PPAT: variants seen among roughly 807,000 people sequenced by gnomAD.
PPAT encodes phosphoribosyl pyrophosphate amidotransferase, also known as amidophosphoribosyltransferase.
A neutral mutation model predicts 60.2 loss-of-function variants in PPAT; 20 were observed. The observed-to-expected ratio is 0.33, with a 90% CI of 0.23 to 0.48. The LOEUF is 0.48. Among genes scored for constraint, PPAT ranks in the 20% least tolerant of loss-of-function variants. The probability of loss-of-function intolerance (pLI) is 0.99; values close to 1 mark genes in which losing one functional copy is unlikely to be tolerated. For missense variants in PPAT, 349 were observed against 629.6 expected (o/e 0.55, Z 4.77); for synonymous variants, 194 against 215.1 (o/e 0.90, Z 0.86).
chr4:56,402,938 C>T, intron 5 of PPAT, 102 bp downstream of exon 5: 2 of 1,081,978 alleles, frequency 1.8e-6, no homozygotes, highest in South Asian at 1.9e-5. Context: ...CTAGCTCCCT[C>T]CCACCCATCA....
intron 1 of PPAT, among the ~76,000 whole-genome samples, chr4:56,424,342 G>A (rs145113593): frequency 2.0e-4 from 31 of 152,200 alleles, no homozygotes; most frequent in African/African-American, 7.2e-4. Flanking sequence ...TCAGGCACCC[G>A]TATTTTTAGA....
At chr4:56,426,253 T>C (rs1252939591) in intron 1 of PPAT, among the ~76,000 whole-genome samples, 1 of 151,902 alleles carries the variant, frequency 6.6e-6, no homozygotes, top group East Asian at 1.9e-4. Flanking sequence ...ATACAAAAAT[T>C]AGCTGGGCGT....
chr4:56,430,430 T>G (rs914650670), intron 1 of PPAT, among the ~76,000 whole-genome samples: 1 of 152,118 alleles, frequency 6.6e-6, no homozygotes, highest in Non-Finnish European at 1.5e-5. Flanking sequence ...ATAAGGTCTC[T>G]GCGAGGGCAG....
In PPAT at chr4:56,401,526, C is replaced by T. The variant is rs748016361; in HGVS notation, c.735-45G>A. On this transcript the variant is annotated intron_variant, in intron 6 of 10. Coordinates refer to ENST00000264220, the MANE Select transcript of PPAT (RefSeq NM_002703.5). The stretch of plus-strand genomic sequence containing the variant: ...GAAAGAAGACTTTTAATAAACTAGT[C>T]CTTAAGGCTGATGAAAATATTAATT... The T allele has an allele frequency of 1.2e-5, 18 of 1,468,246 alleles. No homozygotes were observed. The Admixed American group carries it at 3.9e-4, about 32-fold the overall frequency. 91.0% of individuals were successfully genotyped at this position (1,468,246 alleles called of 1,614,324 possible). A position where few individuals can be genotyped will look rare whatever the true frequency, so the allele number is the denominator to read the frequency against.
rs1578140338 is a variant in PPAT, at chr4:56,433,551, G to C, written c.128+1799C>G. Reference sequence around the variant, plus strand: ...GCACACATTTAAAGGGAAGGAGAAAGGGGGATGAAAATTTCTTGAATAACT... The same window carrying C: ...GCACACATTTAAAGGGAAGGAGAAACGGGGATGAAAATTTCTTGAATAACT... On this transcript the variant is annotated intron_variant, in intron 1 of 10. Coordinates refer to ENST00000264220, the MANE Select transcript of PPAT (RefSeq NM_002703.5). Among the ~76,000 whole-genome samples, 11 of 150,346 alleles carry C rather than the reference G, an allele frequency of 7.3e-5. No homozygotes were observed. In the South Asian group the frequency reaches 2.3e-3, roughly 32 times the overall value.
intron 1 of PPAT, chr4:56,416,541 C>G (rs1716761427): frequency 1.3e-5 from 2 of 155,878 alleles, no homozygotes. Flanking sequence ...AAGAAACACT[C>G]AGAATTGATT....
intron 1 of PPAT, among the ~76,000 whole-genome samples, chr4:56,424,281 G>T (rs888582185): frequency 3.9e-5 from 6 of 152,158 alleles, no homozygotes; most frequent in African/African-American, 1.2e-4. Context: ...ATCTAGAGTG[G>T]TTCCCAATTT....
In PPAT at chr4:56,406,642, T is replaced by G. The variant is rs774263224; in HGVS notation, c.255A>C (p.Ser85=). Residue 85 remains serine (S), a synonymous_variant, in exon 3 of 11, where the codon TCA becomes TCC. Coordinates refer to ENST00000264220, the MANE Select transcript of PPAT (RefSeq NM_002703.5). The stretch of plus-strand genomic sequence containing the variant: ...ACCTGGTGTGTCCAATTCCAAGATT[T>G]GAAACATATAATTTTTTCAAATTGT... ...TEDNLKKLYV[S]NLGIGHTRYA... 1 of 1,613,168 alleles carries G rather than the reference T, an allele frequency of 6.2e-7. No individual in the cohort carries two copies. The highest frequency in any genetic ancestry group is 8.5e-7 in the Non-Finnish European group (1 of 1,179,148).
chr4:56,395,419 C>T lies in PPAT; in HGVS notation c.1487G>A (p.Cys496Tyr). The change falls in exon 11 of 11, where the codon TGT becomes TAT. Residue 496 changes from cysteine to tyrosine, a missense_variant. Cys to Tyr is a radical substitution (Grantham distance 194). This residue lies in a region of PPAT where 167 missense variants were observed against 328.6 expected (regional missense o/e 0.51). Coordinates refer to ENST00000264220, the MANE Select transcript of PPAT (RefSeq NM_002703.5). ...MIQENGNGLE[C>Y]FEKSGHCTAC... ...TGTACAATGACCACTCTTTTCAAAACATTCCAGACCATTTCCATTTTCTTG... is the reference window on the plus strand; with the variant it reads ...TGTACAATGACCACTCTTTTCAAAATATTCCAGACCATTTCCATTTTCTTG... 1 of 1,610,786 alleles carries T rather than the reference C, an allele frequency of 6.2e-7. No homozygotes were observed. Among genetic ancestry groups the T allele is most frequent in the African/African-American group, 1.3e-5 (1 of 74,796 alleles).
chr4:56,408,222 G>A lies in PPAT; in HGVS notation c.129-506C>T, dbSNP rs181105281. 60 of 153,830 alleles carry A rather than the reference G, an allele frequency of 3.9e-4. 1 individual carries two copies. Among genetic ancestry groups the A allele is most frequent in the Admixed American group, 1.8e-3 (28 of 15,464 alleles). The allele number at this position is 153,830 out of a possible 1,614,324, so 9.5% of individuals were successfully genotyped here. ...GGAGGCTGACGTGGGCGGATTACAA[G>A]GTCAAGGCTGGAGACCATCCTGGCC... On this transcript the variant is annotated intron_variant, in intron 1 of 10. Coordinates refer to ENST00000264220, the MANE Select transcript of PPAT (RefSeq NM_002703.5).
chr4:56,409,867 C>T (rs911379387), intron 1 of PPAT, among the ~76,000 whole-genome samples: 30 of 152,086 alleles, frequency 2.0e-4, no homozygotes, highest in Admixed American at 5.9e-4. Context: ...GCAATTGTTG[C>T]AGTGTTTTAT....
intron 1 of PPAT, among the ~76,000 whole-genome samples, chr4:56,433,755 C>T (rs949545878): frequency 2.0e-5 from 3 of 150,676 alleles, no homozygotes; most frequent in South Asian, 4.2e-4. Context: ...AGTGCAGTGG[C>T]GTGATCTCTG....
rs749538800 is a variant in PPAT, at chr4:56,402,091, A to T, written c.734+18T>A. On this transcript the variant is annotated intron_variant, in intron 6 of 10. Transcript: ENST00000264220. Reference sequence around the variant, plus strand: ...TCAACATGGGAAAATAAAATATGTCAAACAAGGTAAAACTTACCTTGCACC... The same window carrying T: ...TCAACATGGGAAAATAAAATATGTCTAACAAGGTAAAACTTACCTTGCACC... 1 of 1,517,544 alleles carries T rather than the reference A, an allele frequency of 6.6e-7. No individual in the cohort carries two copies. Among genetic ancestry groups the T allele is most frequent in the Non-Finnish European group, 9.0e-7 (1 of 1,116,880 alleles). 94.0% of individuals were successfully genotyped at this position (1,517,544 alleles called of 1,614,324 possible).
At chr4:56,402,907 A>G in intron 5 of PPAT, 133 bp downstream of exon 5, 1 of 696,672 alleles carries the variant, frequency 1.4e-6, no homozygotes, top group East Asian at 3.1e-5. Context: ...GGAAGAATAC[A>G]TTTATTTTTA....
At chr4:56,402,233 T>C (rs749392526) in intron 5 of PPAT, 52 bp from the exon 6 acceptor site, 1 of 1,355,242 alleles carries the variant, frequency 7.4e-7, no homozygotes. Context: ...TTTAAGAGGC[T>C]ATTTCAATGG....
chr4:56,418,812 T>C (rs1282954982), intron 1 of PPAT, among the ~76,000 whole-genome samples: 2 of 152,192 alleles, frequency 1.3e-5, no homozygotes, highest in Non-Finnish European at 2.9e-5. Context: ...CTGTCAGTAA[T>C]GTAAATGAAG....
At chr4:56,425,210 GA>G (rs1717226116) in intron 1 of PPAT, among the ~76,000 whole-genome samples, 1 of 152,148 alleles carries the variant, frequency 6.6e-6, no homozygotes, top group Non-Finnish European at 1.5e-5. Context: ...CCAAAAGAAA[GA>G]AATTGGAAGT....
At chr4:56,431,031 CTT>C (rs1351198928) in intron 1 of PPAT, among the ~76,000 whole-genome samples, 4 of 151,998 alleles carry the variant, frequency 2.6e-5, no homozygotes, top group Non-Finnish European at 5.9e-5. Flanking sequence ...ATTGAAAACA[CTT>C]ATTTTAAAGC....
intron 1 of PPAT, among the ~76,000 whole-genome samples, chr4:56,426,785 C>T (rs1352935639): frequency 6.6e-6 from 1 of 152,094 alleles, no homozygotes; most frequent in Non-Finnish European, 1.5e-5. Context: ...AAAATATTTA[C>T]CATTATACCC....
Sources: gnomAD v4.1 joint callset for allele counts (sites outside exome capture counted in the v4.1 genomes callset) on GRCh38, gnomAD v4.1.1 for gene constraint, gnomAD v4.1.1 regional missense constraint, MANE v1.5 for transcripts, NCBI Gene and HGNC (gene_info 2026-07-23, HGNC 2026-07-21) for gene names.